Variants in EP400 observed in about 807,000 individuals in gnomAD.
EP400 encodes the protein E1A binding protein p400, also known as E1A-binding protein p400.
A neutral mutation model predicts 354.1 loss-of-function variants in EP400; 105 were observed. The observed-to-expected ratio is 0.30, with a 90% CI of 0.25 to 0.35. The LOEUF (loss-of-function observed/expected upper bound fraction) is 0.35, where lower values mean the gene tolerates loss of function less well. Ranked by LOEUF, EP400 falls within the 10% of genes least tolerant of loss-of-function variation. The pLI is 1.00. For missense variants in EP400, 3,280 were observed against 4,121.0 expected (o/e 0.80, Z 5.59); for synonymous variants, 1,646 against 1,716.9 (o/e 0.96, Z 1.02).
intron 51 of EP400, among the ~76,000 whole-genome samples, chr12:132,069,859 T>C (rs997819639): frequency 1.3e-5 from 2 of 152,228 alleles, no homozygotes; most frequent in African/African-American, 4.8e-5. Context: ...AGCTTTGCCT[T>C]CATGTTCTGG....
chr12:131,966,208 A>G (rs1892074437), intron 2 of EP400, among the ~76,000 whole-genome samples: 2 of 151,890 alleles, frequency 1.3e-5, no homozygotes, highest in African/African-American at 2.4e-5. Context: ...TGGGCCAGGC[A>G]CTGTGGTTCA....
chr12:132,047,179 TG>T (rs1288676558), intron 39 of EP400, among the ~76,000 whole-genome samples: 1 of 152,262 alleles, frequency 6.6e-6, no homozygotes, highest in African/African-American at 2.4e-5. Flanking sequence ...AGCATTTGTT[TG>T]TTTTTTTTGT....
chr12:132,019,998 C>T lies in EP400; in HGVS notation c.4278-51C>T, dbSNP rs765724319. 3.4e-6 allele frequency: 5 copies of T among 1,463,682 alleles called. No individual in the cohort carries two copies. In the African/African-American group the frequency reaches 7.3e-5, roughly 21 times the overall value. 90.7% of individuals were successfully genotyped at this position (1,463,682 alleles called of 1,614,324 possible). Reference sequence around the variant, plus strand: ...CCGGCTCCATGAGGTGGCCTGTCCTCTCTGTGGTCTGATGCTCTGTATCTT... The same window carrying T: ...CCGGCTCCATGAGGTGGCCTGTCCTTTCTGTGGTCTGATGCTCTGTATCTT... On this transcript the variant is annotated intron_variant, in intron 21 of 52. Transcript: ENST00000389561.
Position 132,021,199 on chromosome 12 carries a change from C to T in EP400, c.4568C>T (p.Thr1523Ile). ...AHPAKLRAQT[T>I]AQASTPGQPP... ...CCTGCGAAACTGCGGGCCCAGACCA[C>T]AGCACAGGCCTCCACCCCAGGCCAG... The change falls in exon 23 of 53, where the codon ACA (threonine) becomes ATA (isoleucine). Residue 1523 changes from threonine to isoleucine, a missense_variant. Around this residue, in one of 20 missense-constraint regions of EP400, gnomAD observed 342 missense variants for 342.7 expected, o/e 1.00. Transcript: ENST00000389561. The T allele has an allele frequency of 6.2e-7, 1 of 1,600,258 alleles. No individual in the cohort carries two copies. Among genetic ancestry groups the T allele is most frequent in the Non-Finnish European group, 8.5e-7 (1 of 1,179,386 alleles).
chr12:132,044,980 C>T, intron 37 of EP400, 27 bp downstream of exon 37: 1 of 1,611,438 alleles, frequency 6.2e-7, no homozygotes, highest in Non-Finnish European at 8.5e-7. Context: ...CGTCACATGA[C>T]CTGGGGGGGC....
At chr12:131,979,938 A>G (rs142983659) in intron 3 of EP400, 145 bp downstream of exon 3, 10 of 579,510 alleles carry the variant, frequency 1.7e-5, no homozygotes, top group African/African-American at 1.6e-4. Flanking sequence ...AGTGATTATC[A>G]GCTGAACAAT....
At chr12:132,016,215 C>T (rs1893926994) in intron 19 of EP400, among the ~76,000 whole-genome samples, 1 of 152,222 alleles carries the variant, frequency 6.6e-6, no homozygotes, top group South Asian at 2.1e-4. Context: ...GCCAGGCTCA[C>T]AGGAGCTCTC....
rs1446223067 is a variant in EP400 at position 132,070,270 on chromosome 12, T to C, written c.9021+629T>C. On this transcript the variant is annotated intron_variant, in intron 51 of 52. Transcript: ENST00000389561. This position sits in a 1 kb window ranked among gnomAD's most constrained non-coding sequence, Gnocchi z 4.1. ...TACCTTCTCAGCTAGTCTTACATCC[T>C]CTGGGAATTGGTTTTTGGGTCTGAG... Among the ~76,000 whole-genome samples, 1 of 152,242 alleles carries C rather than the reference T, an allele frequency of 6.6e-6. No individual in the cohort carries two copies. Among genetic ancestry groups the C allele is most frequent in the Non-Finnish European group, 1.5e-5 (1 of 68,038 alleles).
intron 29 of EP400, among the ~76,000 whole-genome samples, chr12:132,030,531 G>C (rs1023403104): frequency 6.6e-6 from 1 of 152,208 alleles, no homozygotes; most frequent in African/African-American, 2.4e-5. Flanking sequence ...TGCCAAGGCT[G>C]TTTTGTTTCA....
rs1029988138 is a variant in EP400 at position 132,006,093 on chromosome 12, T to C, written c.2936-19T>C. 3.1e-6 allele frequency: 5 copies of C among 1,599,316 alleles called. No homozygotes were observed. Among genetic ancestry groups the C allele is most frequent in the Admixed American group, 1.7e-5 (1 of 58,654 alleles). ...GCCTTCTCAGTGGCCCTCACTTCTC[T>C]GTTTTATTGTCGTTACAGATGCAGA... On this transcript the variant is annotated intron_variant, in intron 13 of 52. Transcript: ENST00000389561.
In EP400 at chr12:132,052,576, T is replaced by G. The variant is rs1251083922; in HGVS notation, c.7395-570T>G. Among the ~76,000 whole-genome samples the G allele has an allele frequency of 6.6e-6, 1 of 152,266 alleles. No homozygotes were observed. Among genetic ancestry groups the G allele is most frequent in the Non-Finnish European group, 1.5e-5 (1 of 68,040 alleles). On this transcript the variant is annotated intron_variant, in intron 41 of 52. Transcript: ENST00000389561. This position sits in a 1 kb window ranked among gnomAD's most constrained non-coding sequence, Gnocchi z 4.4. ...ACGTCTTCAGACCCACTGCACATTT[T>G]ACCTGTTTGTCGTCTGATGTGAGTG...
chr12:131,974,226 A>G (rs1229714143), intron 2 of EP400, among the ~76,000 whole-genome samples: 1 of 151,998 alleles, frequency 6.6e-6, no homozygotes, highest in African/African-American at 2.4e-5. Flanking sequence ...TAATCCGCCT[A>G]CCTCAGCCTC....
chr12:131,994,880 G>A lies in EP400; in HGVS notation c.2751G>A (p.Glu917=). 1 of 1,614,018 alleles carries A rather than the reference G, an allele frequency of 6.2e-7. No individual in the cohort carries two copies. Among genetic ancestry groups the A allele is most frequent in the Non-Finnish European group, 8.5e-7 (1 of 1,179,958 alleles). The change falls in exon 12 of 53, where the codon GAG becomes GAA. Residue 917 remains glutamate (E), a synonymous_variant. Transcript: ENST00000389561. The surrounding 1 kb of genome is among the most constrained non-coding windows in gnomAD (Gnocchi z 4.6). ...SLTDDEVDDE[E]ETIEEEEANE... is the part of the protein sequence containing the mutation. ...TAACCATTTTAGTGGACGATGAAGAGGAAACAATTGAAGAGGAGGAAGCAA... is the reference window on the plus strand; with the variant it reads ...TAACCATTTTAGTGGACGATGAAGAAGAAACAATTGAAGAGGAGGAAGCAA...
Position 131,982,078 on chromosome 12 carries a change from T to C in EP400, c.1544-15T>C, listed in dbSNP as rs1892700432. ...CTTGGGAATCAGTGCTTTTGGCACT[T>C]TTCTTATTTTGCAGGAGGAATGCCC... On this transcript the variant is annotated splice_polypyrimidine_tract_variant and intron_variant, in intron 4 of 52. Transcript: ENST00000389561. The C allele has an allele frequency of 1.3e-6, 2 of 1,503,044 alleles. No individual in the cohort carries two copies. Among genetic ancestry groups the C allele is most frequent in the African/African-American group, 2.8e-5 (2 of 71,640 alleles). 93.1% of individuals were successfully genotyped at this position (1,503,044 alleles called of 1,614,324 possible).
At position 132,013,329 on chromosome 12, in the gene EP400, C is replaced by T; in HGVS notation, c.3611+151C>T. 1 of 1,413,674 alleles carries T rather than the reference C, an allele frequency of 7.1e-7. No individual in the cohort carries two copies. 87.6% of individuals were successfully genotyped at this position (1,413,674 alleles called of 1,614,324 possible). A position where few individuals can be genotyped will look rare whatever the true frequency, so the allele number is the denominator to read the frequency against. ...CATCCCAGCACATGGGCCAGAGAGC[C>T]CCAGAGCTGGGTCAGTGCAGCCCCC... On this transcript the variant is annotated intron_variant, in intron 17 of 52. Transcript: ENST00000389561. This position sits in a 1 kb window ranked among gnomAD's most constrained non-coding sequence, Gnocchi z 4.5.
rs1006925920 is a variant in EP400 at position 132,038,424 on chromosome 12, C to T, written c.6207+328C>T. 1.3e-5 allele frequency among the ~76,000 whole-genome samples: 2 copies of T among 152,192 alleles called. No homozygotes were observed. The highest frequency in any genetic ancestry group is 4.8e-5 in the African/African-American group (2 of 41,442). ...ATCCCTGCCTCCTCTGGAGGCTCTG[C>T]GGGCACTACCCCTACTCCCCTCTAG... On this transcript the variant is annotated intron_variant, in intron 32 of 52. Coordinates refer to ENST00000389561, the MANE Select transcript of EP400 (RefSeq NM_015409.5). This position sits in a 1 kb window ranked among gnomAD's most constrained non-coding sequence, Gnocchi z 4.2.
Position 132,056,535 on chromosome 12 carries a change from G to A in EP400, c.7884+1327G>A, listed in dbSNP as rs147489561. On this transcript the variant is annotated intron_variant, in intron 45 of 52. Coordinates refer to ENST00000389561, the MANE Select transcript of EP400 (RefSeq NM_015409.5). ...CAAACGGTGCTGTAACAGTTGGGCA[G>A]CCATGTGCAAAACAATGAGCCTTGG... Among the ~76,000 whole-genome samples, 168 of 152,274 alleles carry A rather than the reference G, an allele frequency of 1.1e-3. 1 individual carries two copies. The highest frequency in any genetic ancestry group is 3.8e-3 in the African/African-American group (159 of 41,536).
Position 131,990,295 on chromosome 12 carries a change from C to A in EP400, c.2550+191C>A, listed in dbSNP as rs559489173. 3.9e-5 allele frequency among the ~76,000 whole-genome samples: 6 copies of A among 152,320 alleles called. No individual in the cohort carries two copies. In the East Asian group the frequency reaches 1.2e-3, roughly 29 times the overall value. ...TGCTCGTGCCTCCGTCTGTCTTGCA[C>A]AGGGGATGCACCTCAGCTGTGGCTG... On this transcript the variant is annotated intron_variant, in intron 8 of 52. Coordinates refer to ENST00000389561, the MANE Select transcript of EP400 (RefSeq NM_015409.5). The surrounding 1 kb of genome is among the most constrained non-coding windows in gnomAD (Gnocchi z 4.2).
chr12:132,065,076 G>A, intron 48 of EP400, 190 bp downstream of exon 48: 3 of 1,059,818 alleles, frequency 2.8e-6, no homozygotes, highest in Non-Finnish European at 4.0e-6. Context: ...CACAGCAGCA[G>A]CTCCCAGAGC....
Sources: allele counts gnomAD v4.1 joint callset (sites outside exome capture counted in the v4.1 genomes callset), GRCh38; gene constraint gnomAD v4.1.1; regional missense constraint gnomAD v4.1.1; non-coding constraint Gnocchi (gnomAD v3.1); transcripts MANE v1.5; gene names NCBI Gene and HGNC (gene_info 2026-07-23, HGNC 2026-07-21).